LRP5: variants seen among roughly 807,000 people sequenced by gnomAD.
LRP5 encodes low-density lipoprotein receptor-related protein 5.
Under a neutral mutation model 154.1 loss-of-function variants are expected in LRP5, and 62 were observed. The observed-to-expected ratio is 0.40, with a 90% CI of 0.33 to 0.50. LRP5 has a LOEUF of 0.50. Ranked by LOEUF, LRP5 falls within the 20% of genes least tolerant of loss-of-function variation. The pLI is 0.55. For missense variants in LRP5, 1,915 were observed against 2,336.7 expected, an observed-to-expected ratio of 0.82 and a Z score of 3.72; for synonymous variants, 966 against 1,011.5, an observed-to-expected ratio of 0.96 and a Z score of 0.85.
intron 5 of LRP5, among the ~76,000 whole-genome samples, chr11:68,376,094 G>A (rs149107993): frequency 4.6e-5 from 7 of 152,088 alleles, no homozygotes; most frequent in Non-Finnish European, 8.8e-5. Context: ...CCACTGCAGC[G>A]GTCATGGTCC....
chr11:68,400,422 A>T (rs1325946869), intron 7 of LRP5, among the ~76,000 whole-genome samples: 1 of 152,172 alleles, frequency 6.6e-6, no homozygotes, highest in Non-Finnish European at 1.5e-5. Flanking sequence ...TCTCCAAGAG[A>T]TAATAGTGAC....
intron 7 of LRP5, among the ~76,000 whole-genome samples, chr11:68,395,974 T>G (rs981756548): frequency 2.0e-5 from 3 of 152,168 alleles, no homozygotes; most frequent in Non-Finnish European, 4.4e-5. Flanking sequence ...GCGCCAGTGT[T>G]CCTGCTGTGG....
intron 13 of LRP5, among the ~76,000 whole-genome samples, chr11:68,421,718 G>GTGTA (rs2098665770): frequency 7.2e-6 from 1 of 139,128 alleles, no homozygotes; most frequent in Non-Finnish European, 1.7e-5. Flanking sequence ...GTGTGTGTGT[G>GTGTA]TGTGTGGTGT....
intron 5 of LRP5, among the ~76,000 whole-genome samples, chr11:68,370,605 C>G (rs186239348): frequency 8.5e-5 from 13 of 152,326 alleles, no homozygotes; most frequent in African/African-American, 3.1e-4. Context: ...GGCCGCAGGG[C>G]TGAGCACGCA....
intron 19 of LRP5, 55 bp downstream of exon 19, chr11:68,437,054 C>T (rs1370657097): frequency 1.0e-5 from 15 of 1,487,524 alleles, no homozygotes; most frequent in East Asian, 2.3e-5. Context: ...CCCCCAGGAA[C>T]GTGGAGTTTA....
chr11:68,337,175 T>G (rs1207481691), intron 1 of LRP5, among the ~76,000 whole-genome samples: 1 of 152,204 alleles, frequency 6.6e-6, no homozygotes, highest in Non-Finnish European at 1.5e-5. Context: ...CCGCCAGGCA[T>G]CAGGGCAGAT....
chr11:68,347,786 C>G, intron 1 of LRP5, 61 bp from the exon 2 acceptor site: 1 of 1,593,944 alleles, frequency 6.3e-7, no homozygotes, highest in Non-Finnish European at 8.6e-7. Context: ...GTGCTCCATC[C>G]CAGGGCTGTG....
At chr11:68,382,125 T>G (rs951939199) in intron 5 of LRP5, among the ~76,000 whole-genome samples, 7 of 152,168 alleles carry the variant, frequency 4.6e-5, no homozygotes, top group African/African-American at 1.7e-4. Context: ...GCCTGAGGGG[T>G]GTCAGAGACA....
intron 13 of LRP5, among the ~76,000 whole-genome samples, chr11:68,417,448 G>GTTT (rs1565095730): frequency 4.2e-4 from 17 of 40,370 alleles, no homozygotes; most frequent in Non-Finnish European, 5.8e-4. Flanking sequence ...GAACAGATTG[G>GTTT]CTTTTTTTTT....
At chr11:68,298,666 C>G in the LRP5 span, among the ~76,000 whole-genome samples, 1 of 152,164 alleles carries the variant, frequency 6.6e-6, no homozygotes, top group Non-Finnish European at 1.5e-5. Context: ...CAGAAAAGCC[C>G]CTACCCACTC....
chr11:68,372,971 C>T (rs2098635127), intron 5 of LRP5, among the ~76,000 whole-genome samples: 1 of 152,042 alleles, frequency 6.6e-6, no homozygotes, highest in Non-Finnish European at 1.5e-5. Context: ...AGTCCCCAGC[C>T]CCACCCCAAC....
intron 16 of LRP5, among the ~76,000 whole-genome samples, chr11:68,428,137 C>T (rs1321548719): frequency 6.6e-6 from 1 of 151,800 alleles, no homozygotes; most frequent in African/African-American, 2.4e-5. Context: ...GGATTACAGG[C>T]ACCCACCACC....
At chr11:68,350,501 C>A (rs2098617415) in intron 2 of LRP5, among the ~76,000 whole-genome samples, 1 of 152,222 alleles carries the variant, frequency 6.6e-6, no homozygotes. Flanking sequence ...GGACTGAAGA[C>A]CCCTGGGCTC....
the LRP5 span, among the ~76,000 whole-genome samples, chr11:68,301,040 C>T: frequency 6.7e-6 from 1 of 148,398 alleles, no homozygotes; most frequent in South Asian, 2.1e-4. Flanking sequence ...AGCAATTCTC[C>T]TGCCTCAGCC....
At chr11:68,383,691 C>CT (rs760216073) in intron 5 of LRP5, among the ~76,000 whole-genome samples, 16 of 152,224 alleles carry the variant, frequency 1.1e-4, no homozygotes, top group South Asian at 2.1e-4. Flanking sequence ...GAGCAGGGGG[C>CT]TTGTGCCAGG....
intron 2 of LRP5, among the ~76,000 whole-genome samples, chr11:68,354,202 T>C (rs1446889385): frequency 6.6e-6 from 1 of 151,992 alleles, no homozygotes; most frequent in Non-Finnish European, 1.5e-5. Flanking sequence ...GCAGCTCTTT[T>C]CTTCGGAAGT....
chr11:68,314,719 C>T (rs528144082), intron 1 of LRP5, among the ~76,000 whole-genome samples: 1 of 152,248 alleles, frequency 6.6e-6, no homozygotes, highest in Non-Finnish European at 1.5e-5. Context: ...CCCCTCTCCC[C>T]CTGGAGGTTC....
chr11:68,363,777 C>T lies in LRP5; in HGVS notation c.717C>T (p.His239=), dbSNP rs1254589833. Residue 239 remains histidine (H), a synonymous_variant, in exon 4 of 23, where the codon CAC becomes CAT. Coordinates refer to ENST00000294304, the MANE Select transcript of LRP5 (RefSeq NM_002335.4). ...AGGTGGTGGAGGGCAGCCTGACGCACCCCTTCGCCCTGACGCTCTCCGGGG... is the reference window on the plus strand; with the variant it reads ...AGGTGGTGGAGGGCAGCCTGACGCATCCCTTCGCCCTGACGCTCTCCGGGG... ...RQKVVEGSLT[H]PFALTLSGDT... 1.9e-6 allele frequency: 3 copies of T among 1,612,906 alleles called. No individual in the cohort carries two copies. The highest frequency in any genetic ancestry group is 1.7e-6 in the Non-Finnish European group (2 of 1,179,938).
intron 4 of LRP5, among the ~76,000 whole-genome samples, chr11:68,365,274 G>GT (rs2098630325): frequency 4.1e-3 from 1 of 242 alleles, no homozygotes; most frequent in Admixed American, 0.042. Flanking sequence ...AGCAGATGGG[G>GT]AGATGTCACT....
Sources: allele counts gnomAD v4.1 joint callset (sites outside exome capture counted in the v4.1 genomes callset), GRCh38; gene constraint gnomAD v4.1.1; transcripts MANE v1.5; gene names NCBI Gene and HGNC (gene_info 2026-07-23, HGNC 2026-07-21).